The following SVEP1 variants were observed in gnomAD, a reference collection of about 807,000 sequenced individuals.
The protein encoded by SVEP1 is sushi, von Willebrand factor type A, EGF and pentraxin domain-containing protein 1.
Under a neutral mutation model 367.3 loss-of-function variants are expected in SVEP1, and 164 were observed. The ratio of observed to expected loss-of-function variants is 0.45; its 90% CI spans 0.39 to 0.51. The LOEUF (loss-of-function observed/expected upper bound fraction) is 0.51, where lower values mean the gene tolerates loss of function less well. SVEP1 is among the 20% of genes least tolerant of loss of function. The pLI is 0.00. For synonymous variants in SVEP1, 1,666 were observed against 1,611.6 expected (o/e 1.03, Z -0.81); for missense variants, 4,117 against 4,425.3 (o/e 0.93, Z 1.98).
intron 40 of SVEP1, among the ~76,000 whole-genome samples, chr9:110,390,092 C>CATACATACTTATATAAGTATATATACAT (rs2118970840): frequency 9.0e-6 from 1 of 110,790 alleles, no homozygotes; most frequent in African/African-American, 3.3e-5. Flanking sequence ...TATATATACA[C>CATACATACTTATATAAGTATATATACAT]ATACATACTT....
intron 30 of SVEP1, 88 bp downstream of exon 30, chr9:110,434,248 T>C (rs1588051405): frequency 7.3e-7 from 1 of 1,375,726 alleles, no homozygotes; most frequent in Non-Finnish European, 9.9e-7. Context: ...CTGTGAAGTA[T>C]TCACTCTTTG....
chr9:110,471,779 G>A (rs1490894537), intron 15 of SVEP1, among the ~76,000 whole-genome samples, 182 bp from the exon 16 acceptor site: 1 of 152,142 alleles, frequency 6.6e-6, no homozygotes, highest in African/African-American at 2.4e-5. Flanking sequence ...ACTATTTAGT[G>A]AACAATTAAG....
At chr9:110,383,362 A>G (rs774486292) in intron 43 of SVEP1, among the ~76,000 whole-genome samples, 3 of 152,026 alleles carry the variant, frequency 2.0e-5, no homozygotes, top group Non-Finnish European at 2.9e-5. Context: ...TCCACTCCAG[A>G]CCCTATTTGC....
chr9:110,429,815 A>C (rs1251659435), intron 34 of SVEP1, 105 bp downstream of exon 34: 3 of 873,242 alleles, frequency 3.4e-6, no homozygotes, highest in Non-Finnish European at 5.4e-6. Flanking sequence ...TTAATTCAAA[A>C]ATGTCCTCTG....
rs941777415 is a variant in SVEP1 at position 110,392,136 on chromosome 9, T to A, written c.9823-2549A>T. 1.7e-4 allele frequency among the ~76,000 whole-genome samples: 25 copies of A among 145,548 alleles called. 1 individual carries two copies. The highest frequency in any genetic ancestry group is 3.3e-4 in the Non-Finnish European group (22 of 66,834). On this transcript the variant is annotated intron_variant, in intron 40 of 47. Transcript: ENST00000374469. ...TAACTTGTGACCCAATTCCTCATTA[T>A]ATATATATATATATATATCTCTTCT...
At chr9:110,379,638 A>G in intron 43 of SVEP1, 121 bp from the exon 44 acceptor site, 1 of 989,848 alleles carries the variant, frequency 1.0e-6, no homozygotes, top group Non-Finnish European at 1.5e-6. Flanking sequence ...ATTTTCACCT[A>G]CTTATCTAGA....
At chr9:110,374,817 C>T (rs1318871872) in intron 46 of SVEP1, among the ~76,000 whole-genome samples, 1 of 152,178 alleles carries the variant, frequency 6.6e-6, no homozygotes, top group Non-Finnish European at 1.5e-5. Context: ...CCAAGCAATC[C>T]CATTACTGGG....
intron 27 of SVEP1, among the ~76,000 whole-genome samples, chr9:110,441,758 T>C (rs1828512876): frequency 6.6e-6 from 1 of 152,238 alleles, no homozygotes; most frequent in African/African-American, 2.4e-5. Flanking sequence ...GGAGTCCTTT[T>C]GTCCTCTGGT....
At chr9:110,387,543 T>C (rs1588025304) in intron 41 of SVEP1, 85 bp from the exon 42 acceptor site, 1 of 1,370,728 alleles carries the variant, frequency 7.3e-7, no homozygotes, top group Non-Finnish European at 9.7e-7. Flanking sequence ...AGATATTTCA[T>C]GGAATATATA....
At chr9:110,556,364 G>T (rs1287305848) in intron 1 of SVEP1, among the ~76,000 whole-genome samples, 1 of 152,140 alleles carries the variant, frequency 6.6e-6, no homozygotes, top group African/African-American at 2.4e-5. Context: ...GTTTGCTCTT[G>T]GGCTGCATTA....
At chr9:110,367,554 A>T (rs13290178) in intron 47 of SVEP1, among the ~76,000 whole-genome samples, 1 of 151,730 alleles carries the variant, frequency 6.6e-6, no homozygotes, top group Non-Finnish European at 1.5e-5. Context: ...TCAGACAAGC[A>T]CTCTTCCCCC....
intron 44 of SVEP1, 150 bp from the exon 45 acceptor site, chr9:110,377,516 G>A (rs912768394): frequency 1.5e-6 from 1 of 649,724 alleles, no homozygotes; most frequent in Non-Finnish European, 2.6e-6. Context: ...GGGAATTTCA[G>A]TATGTGGAGA....
intron 3 of SVEP1, among the ~76,000 whole-genome samples, chr9:110,519,986 C>A (rs1187001032): frequency 6.6e-6 from 1 of 152,036 alleles, no homozygotes; most frequent in Non-Finnish European, 1.5e-5. Flanking sequence ...TTAAAGAAAT[C>A]CTCCATATGA....
chr9:110,459,004 G>T lies in SVEP1; in HGVS notation c.3432C>A (p.Pro1144=), dbSNP rs1369517344. The T allele has an allele frequency of 6.2e-6, 10 of 1,613,848 alleles. No individual in the cohort carries two copies. The highest frequency in any genetic ancestry group is 8.5e-6 in the Non-Finnish European group (10 of 1,179,774). The change falls in exon 19 of 48, where the codon CCC becomes CCA. Residue 1144 remains proline, a synonymous_variant. Transcript: ENST00000374469. ...CAGCGAATGGGGTAGTTCCATAAAAGGGACAGGCCAGGCAGAAGGCCTTCC... is the reference window on the plus strand; with the variant it reads ...CAGCGAATGGGGTAGTTCCATAAAATGGACAGGCCAGGCAGAAGGCCTTCC... ...NAGKAFCLAC[P]FYGTTPFAGS... is the part of the protein sequence containing the mutation.
chr9:110,501,609 A>G (rs1306685804), intron 6 of SVEP1, among the ~76,000 whole-genome samples: 1 of 152,136 alleles, frequency 6.6e-6, no homozygotes, highest in Admixed American at 6.6e-5. Flanking sequence ...GAATAGTACT[A>G]AACAATGTGA....
intron 47 of SVEP1, among the ~76,000 whole-genome samples, chr9:110,369,372 G>A (rs10116674): frequency 0.095 from 14,441 of 152,066 alleles, 1,512 homozygotes; most frequent in African/African-American, 0.26. Flanking sequence ...GAAATGCTAC[G>A]CATAGAAACA....
At chr9:110,528,156 G>GTATGTATATATATA (rs1554721448) in intron 3 of SVEP1, among the ~76,000 whole-genome samples, 9 of 33,940 alleles carry the variant, frequency 2.7e-4, no homozygotes, top group African/African-American at 8.5e-4. Flanking sequence ...GTGTGTGTGT[G>GTATGTATATATATA]TATATATATA....
chr9:110,462,468 C>T (rs1321512249), intron 18 of SVEP1, among the ~76,000 whole-genome samples: 1 of 150,600 alleles, frequency 6.6e-6, no homozygotes, highest in African/African-American at 2.4e-5. Flanking sequence ...ATGTAGTAAA[C>T]ATATATACAC....
At chr9:110,366,926 G>T (rs1188840827) in intron 47 of SVEP1, among the ~76,000 whole-genome samples, 1 of 152,204 alleles carries the variant, frequency 6.6e-6, no homozygotes, top group Non-Finnish European at 1.5e-5. Flanking sequence ...CTTAGGATCA[G>T]TTTTCTGAAG....
Sources: gnomAD v4.1 joint callset for allele counts (sites outside exome capture counted in the v4.1 genomes callset) on GRCh38, gnomAD v4.1.1 for gene constraint, MANE v1.5 for transcripts, NCBI Gene and HGNC (gene_info 2026-07-23, HGNC 2026-07-21) for gene names.